ZBED1: variants seen among roughly 807,000 people sequenced by gnomAD.
ZBED1 encodes the protein E3 SUMO-protein ligase ZBED1.
A neutral mutation model predicts 49.7 loss-of-function variants in ZBED1; 19 were observed. The ratio of observed to expected loss-of-function variants is 0.38; its 90% CI spans 0.27 to 0.56. The LOEUF is 0.56. Among genes scored for constraint, ZBED1 ranks in the 20% least tolerant of loss-of-function variants. The pLI is 0.70. For synonymous variants in ZBED1, 439 were observed against 440.3 expected (o/e 1.00, Z 0.04); for missense variants, 806 against 972.6 (o/e 0.83, Z 2.28).
chrX:2,496,441 C>G (rs1385626209), intron 1 of ZBED1, among the ~76,000 whole-genome samples: 1 of 152,132 alleles, frequency 6.6e-6, no homozygotes, highest in African/African-American at 2.4e-5. Flanking sequence ...TCAGGCAATC[C>G]ACCCGCCTCA....
rs1341231335 is a variant in ZBED1 at position 2,489,815 on chromosome X, G to A, written c.905C>T (p.Ala302Val). 1 of 1,613,588 alleles carries A rather than the reference G, an allele frequency of 6.2e-7. No homozygotes were observed. Among genetic ancestry groups the A allele is most frequent in the South Asian group, 1.1e-5 (1 of 91,060 alleles). ...GHTFNAGIQQ[A>V]FQLPKLGALL... ...CGCCCCCAGCTTCGGGAGCTGGAAGGCCTGCTGGATGCCGGCATTGAAGGT... is the reference window on the plus strand; with the variant it reads ...CGCCCCCAGCTTCGGGAGCTGGAAGACCTGCTGGATGCCGGCATTGAAGGT... The change falls in exon 2 of 2, where the codon GCC (alanine) becomes GTC (valine). Residue 302 changes from alanine to valine, a missense_variant. Ala to Val is a moderately conservative substitution (Grantham distance 64). Around this residue, in one of 2 missense-constraint regions of ZBED1, gnomAD observed 749 missense variants for 861.3 expected, o/e 0.87. Coordinates refer to ENST00000652001, the MANE Select transcript of ZBED1 (RefSeq NM_001171136.2).
Position 2,490,393 on chromosome X carries a change from C to G in ZBED1, c.327G>C (p.Ala109=), listed in dbSNP as rs199866649. 41 of 1,613,692 alleles carry G rather than the reference C, an allele frequency of 2.5e-5. No homozygotes were observed. In the Middle Eastern group the frequency reaches 5.0e-4, roughly 20 times the overall value. ...PESSQQPGQD[A]LAVKAGHGYD... Reference sequence around the variant, plus strand: ...AGCCGTGGCCGGCCTTGACGGCCAGCGCGTCCTGCCCGGGCTGCTGGGACG... The same window carrying G: ...AGCCGTGGCCGGCCTTGACGGCCAGGGCGTCCTGCCCGGGCTGCTGGGACG... The change falls in exon 2 of 2, where the codon GCG becomes GCC. Residue 109 remains alanine, a synonymous_variant. Transcript: ENST00000652001.
At position 2,488,735 on chromosome X, in the gene ZBED1, T is replaced by G; in HGVS notation, c.1985A>C (p.Gln662Pro). The G allele has an allele frequency of 6.2e-7, 1 of 1,613,948 alleles. No homozygotes were observed. Among genetic ancestry groups the G allele is most frequent in the East Asian group, 2.2e-5 (1 of 44,866 alleles). The change falls in exon 2 of 2, where the codon CAG becomes CCG. Residue 662 changes from glutamine (Q) to proline (P), a missense_variant. Around this residue, in one of 2 missense-constraint regions of ZBED1, gnomAD observed 749 missense variants for 861.3 expected, o/e 0.87. Coordinates refer to ENST00000652001, the MANE Select transcript of ZBED1 (RefSeq NM_001171136.2). ...GTCCAGGCCCCACTCCCCCTCGTCC[T>G]GGTCCTCGGGTTCCGCCTCTGCCCC... ...RSGAEAEPED[Q>P]DEGEWGLDQE... is the part of the protein sequence containing the mutation.
Position 2,489,620 on chromosome X carries a change from T to C in ZBED1, c.1100A>G (p.Gln367Arg). 6.2e-7 allele frequency: 1 copy of C among 1,612,672 alleles called. No homozygotes were observed. Among genetic ancestry groups the C allele is most frequent in the Non-Finnish European group, 8.5e-7 (1 of 1,179,816 alleles). The change falls in exon 2 of 2, where the codon CAG (glutamine) becomes CGG (arginine). Residue 367 changes from glutamine (Q) to arginine (R), a missense_variant. Transcript: ENST00000652001. ...CAAGACCCCGGCGATGACGAACTGC[T>C]GCTCCTTGAGGCGCTGCAGCATGGC... is the stretch of plus-strand genomic sequence containing the variant. Reference protein sequence around the residue: ...TLAMLQRLKEQQFVIAGVLVE... With the variant: ...TLAMLQRLKERQFVIAGVLVE...
rs187290846 is a variant in ZBED1 at position 2,499,648 on chromosome X, T to G, written c.-54+1169A>C. Among the ~76,000 whole-genome samples, 598 of 152,034 alleles carry G rather than the reference T, an allele frequency of 3.9e-3. 1 individual carries two copies. The highest frequency in any genetic ancestry group is 6.9e-3 in the Non-Finnish European group (466 of 67,980). On this transcript the variant is annotated intron_variant, in intron 1 of 1. Coordinates refer to ENST00000652001, the MANE Select transcript of ZBED1 (RefSeq NM_001171136.2). The stretch of plus-strand genomic sequence containing the variant: ...TTAGCCAGGCGTGGTGGCTCACGCC[T>G]GTAAACCCAGCACTTTGGGGGACCC...
At position 2,500,962 on chromosome X, in the gene ZBED1, C is replaced by G; in HGVS notation, c.-199G>C. On this transcript the variant is annotated 5_prime_UTR_variant, in exon 1 of 2. Coordinates refer to ENST00000652001, the MANE Select transcript of ZBED1 (RefSeq NM_001171136.2). ...CCGCGCCGCCGCCGCTTCCGCGCCG[C>G]CCGCGGGACTCTGCGCCCGCCCGCC... is the stretch of plus-strand genomic sequence containing the variant. 1 of 997,390 alleles carries G rather than the reference C, an allele frequency of 1.0e-6. No individual in the cohort carries two copies. Among genetic ancestry groups the G allele is most frequent in the Non-Finnish European group, 1.2e-6 (1 of 832,718 alleles). The allele number at this position is 997,390 out of a possible 1,614,324, so 61.8% of individuals were successfully genotyped here.
chrX:2,489,960 C>G lies in ZBED1; in HGVS notation c.760G>C (p.Val254Leu), dbSNP rs977427389. ...AETITRVLYE[V>L]FIEWGISAKV... ...GCGCTGATGCCCCACTCGATGAAGA[C>G]CTCATAGAGCACTCGCGTGATGGTC... The change falls in exon 2 of 2, where the codon GTC becomes CTC. Residue 254 changes from valine (V) to leucine (L), a missense_variant. Coordinates refer to ENST00000652001, the MANE Select transcript of ZBED1 (RefSeq NM_001171136.2). 1.2e-6 allele frequency: 2 copies of G among 1,613,896 alleles called. No individual in the cohort carries two copies. Among genetic ancestry groups the G allele is most frequent in the East Asian group, 4.5e-5 (2 of 44,868 alleles).
chrX:2,500,815 A>C lies in ZBED1; in HGVS notation c.-54+2T>G. On this transcript the variant is annotated splice_donor_variant, in intron 1 of 1. Transcript: ENST00000652001. LOFTEE classifies it low-confidence loss of function (5UTR_SPLICE). ...CCCTGACCCCTGCCCCGCCCCGCTGACCTGGCTCCAGGAAGCCCCCGCGGC... is the reference window on the plus strand; with the variant it reads ...CCCTGACCCCTGCCCCGCCCCGCTGCCCTGGCTCCAGGAAGCCCCCGCGGC... 1 of 1,104,008 alleles carries C rather than the reference A, an allele frequency of 9.1e-7. No homozygotes were observed. Among genetic ancestry groups the C allele is most frequent in the Non-Finnish European group, 1.1e-6 (1 of 908,460 alleles). The allele number at this position is 1,104,008 out of a possible 1,614,324, so 68.4% of individuals were successfully genotyped here. A position where few individuals can be genotyped will look rare whatever the true frequency, so the allele number is the denominator to read the frequency against.
chrX:2,488,427 G>T lies in ZBED1; in HGVS notation c.*208C>A. ...TGACCTCAGCTGATCTGCCCACCTC[G>T]GCCTCCCAAAGTGCTGCGATTATAG... On this transcript the variant is annotated 3_prime_UTR_variant, in exon 2 of 2. Transcript: ENST00000652001. 3.4e-6 allele frequency: 2 copies of T among 593,288 alleles called. No individual in the cohort carries two copies. Among genetic ancestry groups the T allele is most frequent in the South Asian group, 2.9e-5 (1 of 34,510 alleles). 36.8% of individuals were successfully genotyped at this position (593,288 alleles called of 1,614,324 possible). A position where few individuals can be genotyped will look rare whatever the true frequency, so the allele number is the denominator to read the frequency against.
At chrX:2,498,879 C>T (rs2045345909) in intron 1 of ZBED1, among the ~76,000 whole-genome samples, 1 of 152,134 alleles carries the variant, frequency 6.6e-6, no homozygotes, top group African/African-American at 2.4e-5. Flanking sequence ...TTACTTCAAA[C>T]AAACATGCTC....
At chrX:2,492,551 CAT>C (rs1032370845) in intron 1 of ZBED1, among the ~76,000 whole-genome samples, 3 of 151,888 alleles carry the variant, frequency 2.0e-5, no homozygotes, top group Non-Finnish European at 4.4e-5. Flanking sequence ...TTGTAGATCT[CAT>C]GAGTTAAGGA....
chrX:2,492,909 C>T (rs1204325223), intron 1 of ZBED1, among the ~76,000 whole-genome samples: 1 of 152,212 alleles, frequency 6.6e-6, no homozygotes, highest in Non-Finnish European at 1.5e-5. Flanking sequence ...TTAATTTTGC[C>T]CGAAATAATG....
Position 2,490,782 on chromosome X carries a change from G to T in ZBED1, c.-53-10C>A, listed in dbSNP as rs1417077379. 3 of 1,562,898 alleles carry T rather than the reference G, an allele frequency of 1.9e-6. No homozygotes were observed. The highest frequency in any genetic ancestry group is 1.7e-6 in the Non-Finnish European group (2 of 1,154,666). ...CATGCGTGGGGACCTGCTGAGAAGGGCCAAGACAAACACAGCATGAGAAGG... is the reference window on the plus strand; with the variant it reads ...CATGCGTGGGGACCTGCTGAGAAGGTCCAAGACAAACACAGCATGAGAAGG... On this transcript the variant is annotated splice_polypyrimidine_tract_variant and intron_variant, in intron 1 of 1. Transcript: ENST00000652001.
rs779967592 is a variant in ZBED1, at chrX:2,490,006, C to A, written c.714G>T (p.Val238=). Residue 238 remains valine, a synonymous_variant, in exon 2 of 2, where the codon GTG becomes GTT. Coordinates refer to ENST00000652001, the MANE Select transcript of ZBED1 (RefSeq NM_001171136.2). ...TGGTCTCCGCCGTGTTCTCTTCGGG[C>A]ACCTCGAAGGTCTTCAGGCAGCGGG... is the stretch of plus-strand genomic sequence containing the variant. ...MGSRCLKTFE[V]PEENTAETIT... 1 of 1,613,760 alleles carries A rather than the reference C, an allele frequency of 6.2e-7. No individual in the cohort carries two copies. The highest frequency in any genetic ancestry group is 2.2e-5 in the East Asian group (1 of 44,876).
At chrX:2,499,661 C>T (rs890208117) in intron 1 of ZBED1, among the ~76,000 whole-genome samples, 1 of 152,012 alleles carries the variant, frequency 6.6e-6, no homozygotes, top group African/African-American at 2.4e-5. Flanking sequence ...AAACCCAGCA[C>T]TTTGGGGGAC....
intron 1 of ZBED1, among the ~76,000 whole-genome samples, chrX:2,498,460 T>C (rs981055981): frequency 2.0e-5 from 3 of 152,068 alleles, no homozygotes; most frequent in Non-Finnish European, 4.4e-5. Flanking sequence ...TTTTAATCCA[T>C]ACATAGGAAG....
At position 2,489,563 on chromosome X, in the gene ZBED1, A is replaced by G. The variant is rs1444454092; in HGVS notation, c.1157T>C (p.Leu386Pro). The part of the protein sequence containing the change: ...VEDSNNHHLM[L>P]EASEWATIEG... ...GATGGTGGCCCACTCGCTGGCCTCC[A>G]GCATGAGGTGGTGGTTGTTGCTGTC... The change falls in exon 2 of 2, where the codon CTG becomes CCG. Residue 386 changes from leucine to proline, a missense_variant. Leu to Pro is a moderately conservative substitution (Grantham distance 98). Around this residue, in one of 2 missense-constraint regions of ZBED1, gnomAD observed 749 missense variants for 861.3 expected, o/e 0.87. Coordinates refer to ENST00000652001, the MANE Select transcript of ZBED1 (RefSeq NM_001171136.2). 6.2e-7 allele frequency: 1 copy of G among 1,612,558 alleles called. No homozygotes were observed.
intron 1 of ZBED1, among the ~76,000 whole-genome samples, chrX:2,493,315 C>CCATCAT (rs770537301): frequency 3.9e-3 from 593 of 152,118 alleles, no homozygotes; most frequent in Admixed American, 6.5e-3. Flanking sequence ...ATCAGATCCT[C>CCATCAT]CATCATCATC....
intron 1 of ZBED1, among the ~76,000 whole-genome samples, chrX:2,491,064 TAG>T: frequency 8.5e-6 from 1 of 117,440 alleles, no homozygotes; most frequent in South Asian, 3.4e-4. Flanking sequence ...CAAGTGCCTT[TAG>T]TTTTTTTTTT....
Sources: allele counts gnomAD v4.1 joint callset (sites outside exome capture counted in the v4.1 genomes callset), GRCh38; gene constraint gnomAD v4.1.1; regional missense constraint gnomAD v4.1.1; transcripts MANE v1.5; gene names NCBI Gene and HGNC (gene_info 2026-07-23, HGNC 2026-07-21).